SGK3: variants seen among roughly 807,000 people sequenced by gnomAD.
SGK3 encodes the protein serum/glucocorticoid regulated kinase family member 3, also known as serine/threonine-protein kinase Sgk3.
A neutral mutation model predicts 68.5 loss-of-function variants in SGK3; 47 were observed. That is an observed-to-expected ratio of 0.69 (90% CI 0.54 to 0.87). The LOEUF is 0.87. Ranked by LOEUF, SGK3 falls within the 40% of genes least tolerant of loss-of-function variation. The pLI is 0.00. For synonymous variants in SGK3, 181 were observed against 189.1 expected, an observed-to-expected ratio of 0.96 and a Z score of 0.35; for missense variants, 479 against 575.5, an observed-to-expected ratio of 0.83 and a Z score of 1.72.
intron 1 of SGK3, among the ~76,000 whole-genome samples, chr8:66,758,011 T>TACACACACACACACAC (rs374764386): frequency 0.011 from 1,443 of 133,670 alleles, 12 homozygotes; most frequent in African/African-American, 0.014. Flanking sequence ...ACACACACAC[T>TACACACACACACACAC]ACACACACAC....
chr8:66,812,524 C>T (rs928526060), intron 4 of SGK3, among the ~76,000 whole-genome samples: 2 of 151,570 alleles, frequency 1.3e-5, no homozygotes, highest in African/African-American at 4.9e-5. Flanking sequence ...CGCCACTGCA[C>T]TCCAGCCTGG....
At chr8:66,779,820 A>C (rs1806902809) in intron 1 of SGK3, among the ~76,000 whole-genome samples, 1 of 151,448 alleles carries the variant, frequency 6.6e-6, no homozygotes, top group Non-Finnish European at 1.5e-5. Flanking sequence ...ATTATAATTT[A>C]AATATGTAAT....
rs57094416 is a variant in SGK3 at position 66,839,558 on chromosome 8, T to TA, written c.742-445_742-444insA. ...ATATATATATATATATATATATATA[T>TA]TTTCATATGGGTTATATTTGTTCTG... On this transcript the variant is annotated intron_variant, in intron 10 of 16. Transcript: ENST00000521198. 9.3e-4 allele frequency among the ~76,000 whole-genome samples: 91 copies of TA among 98,094 alleles called. 5 individuals are homozygous for TA. Among genetic ancestry groups the TA allele is most frequent in the African/African-American group, 1.6e-3 (28 of 17,964 alleles). The allele number at this position is 98,094 out of a possible 152,430, so 64.4% of individuals were successfully genotyped here.
At chr8:66,792,329 CAAA>C (rs1215954300) in intron 1 of SGK3, among the ~76,000 whole-genome samples, 3 of 53,542 alleles carry the variant, frequency 5.6e-5, no homozygotes, top group Non-Finnish European at 8.2e-5. Flanking sequence ...AACTCCATCT[CAAA>C]AAAAAAAAAA....
At chr8:66,739,799 A>G (rs1805428160) in intron 1 of SGK3, among the ~76,000 whole-genome samples, 1 of 152,200 alleles carries the variant, frequency 6.6e-6, no homozygotes, top group South Asian at 2.1e-4. Context: ...GAAAGCAAAC[A>G]TGTCCTTCTT....
At chr8:66,730,268 A>G (rs1805109960) in intron 1 of SGK3, among the ~76,000 whole-genome samples, 1 of 152,176 alleles carries the variant, frequency 6.6e-6, no homozygotes, top group Admixed American at 6.5e-5. Context: ...CTCTACAGAA[A>G]TGTCTATTCA....
chr8:66,717,807 G>A (rs1041927711), intron 1 of SGK3, among the ~76,000 whole-genome samples: 4 of 151,908 alleles, frequency 2.6e-5, no homozygotes, highest in African/African-American at 7.3e-5. Flanking sequence ...AGGTTCAAGC[G>A]ATTCTCGTGC....
At chr8:66,719,849 C>T (rs973510191) in intron 1 of SGK3, among the ~76,000 whole-genome samples, 2 of 152,158 alleles carry the variant, frequency 1.3e-5, no homozygotes, top group Non-Finnish European at 2.9e-5. Context: ...GTAAATCTAT[C>T]GCTCATTGGC....
chr8:66,788,590 A>G (rs763277444), intron 1 of SGK3, among the ~76,000 whole-genome samples: 5 of 152,238 alleles, frequency 3.3e-5, no homozygotes, highest in Non-Finnish European at 7.3e-5. Flanking sequence ...AATGGGCTTC[A>G]GTAAAAACTG....
intron 1 of SGK3, 63 bp downstream of exon 1, chr8:66,712,896 A>C (rs1804529739): frequency 6.6e-6 from 1 of 151,468 alleles, no homozygotes; most frequent in Non-Finnish European, 1.5e-5. Flanking sequence ...CCGGGGCGGG[A>C]GGAGACGGGG....
chr8:66,784,790 C>T (rs1409762895), intron 1 of SGK3, among the ~76,000 whole-genome samples: 2 of 152,132 alleles, frequency 1.3e-5, no homozygotes, highest in Non-Finnish European at 2.9e-5. Flanking sequence ...AATTTTTTAT[C>T]ATAGCGTTTC....
rs192401006 is a variant in SGK3 at position 66,730,433 on chromosome 8, A to C, written c.-122+17600A>C. Among the ~76,000 whole-genome samples the C allele has an allele frequency of 3.8e-3, 575 of 152,222 alleles. 2 individuals are homozygous for C. The highest frequency in any genetic ancestry group is 0.014 in the Middle Eastern group (4 of 294). On this transcript the variant is annotated intron_variant, in intron 1 of 16. Coordinates refer to ENST00000521198, the MANE Select transcript of SGK3 (RefSeq NM_001033578.3). ...ACTTTCTTGATTTCCTTGGAGCACA[A>C]AAGTTTTAATTTTTAATGAAACCCA...
chr8:66,831,405 G>A, intron 8 of SGK3, 94 bp downstream of exon 8: 1 of 1,467,832 alleles, frequency 6.8e-7, no homozygotes, highest in African/African-American at 1.4e-5. Context: ...GGAGTGTAGT[G>A]GTGCAGTCAT....
intron 5 of SGK3, among the ~76,000 whole-genome samples, chr8:66,814,524 TTAACA>T (rs1808503126): frequency 6.6e-6 from 1 of 152,186 alleles, no homozygotes; most frequent in Non-Finnish European, 1.5e-5. Flanking sequence ...GTCAGGACAC[TTAACA>T]TTTCATGGTG....
intron 2 of SGK3, among the ~76,000 whole-genome samples, chr8:66,796,825 A>G (rs1024147510): frequency 2.0e-5 from 3 of 152,148 alleles, no homozygotes; most frequent in Non-Finnish European, 2.9e-5. Context: ...AGGAACTTTC[A>G]TTATACAGGG....
chr8:66,752,593 T>TG (rs1301412071), intron 1 of SGK3, among the ~76,000 whole-genome samples: 12 of 148,368 alleles, frequency 8.1e-5, no homozygotes, highest in Non-Finnish European at 1.3e-4. Context: ...TGTGAAAAAC[T>TG]GGGGGGGTGG....
intron 4 of SGK3, among the ~76,000 whole-genome samples, 154 bp downstream of exon 4, chr8:66,804,601 G>C (rs1808076971): frequency 6.6e-6 from 1 of 152,158 alleles, no homozygotes; most frequent in African/African-American, 2.4e-5. Flanking sequence ...CTGTCTACTA[G>C]GCATTGTTTT....
rs1554595355 is a variant in SGK3, at chr8:66,757,998, T to TACACACACACCAC, written c.-121-35608_-121-35607insCACACACACACAC. On this transcript the variant is annotated intron_variant, in intron 1 of 16. Transcript: ENST00000521198. ...TACACACACACTATATGTATATATA[T>TACACACACACCAC]ACACACACACACTACACACACACAC... 1.3e-3 allele frequency among the ~76,000 whole-genome samples: 177 copies of TACACACACACCAC among 138,060 alleles called. 1 individual carries two copies. Among genetic ancestry groups the TACACACACACCAC allele is most frequent in the African/African-American group, 5.2e-3 (173 of 33,550 alleles). 90.6% of individuals were successfully genotyped at this position (138,060 alleles called of 152,430 possible). A position where few individuals can be genotyped will look rare whatever the true frequency, so the allele number is the denominator to read the frequency against.
At chr8:66,743,955 T>C (rs1438100328) in intron 1 of SGK3, among the ~76,000 whole-genome samples, 1 of 152,232 alleles carries the variant, frequency 6.6e-6, no homozygotes, top group African/African-American at 2.4e-5. Flanking sequence ...TCCTCTGTCC[T>C]TTTGTTCCAA....
Sources: allele counts gnomAD v4.1 joint callset (sites outside exome capture counted in the v4.1 genomes callset), GRCh38; gene constraint gnomAD v4.1.1; transcripts MANE v1.5; gene names NCBI Gene and HGNC (gene_info 2026-07-23, HGNC 2026-07-21).